Variants in BSN observed in about 807,000 individuals in gnomAD.
BSN encodes the protein protein bassoon.
A neutral mutation model predicts 264.8 loss-of-function variants in BSN; 57 were observed. That is an observed-to-expected ratio of 0.22 (90% CI 0.17 to 0.27). BSN has a LOEUF of 0.27. BSN is among the 10% of genes least tolerant of loss of function. The pLI is 1.00. For synonymous variants in BSN, 2,059 were observed against 2,137.3 expected, an observed-to-expected ratio of 0.96 and a Z score of 1.01; for missense variants, 4,615 against 5,232.5, an observed-to-expected ratio of 0.88 and a Z score of 3.64.
chr3:49,664,888 G>A, intron 10 of BSN, 35 bp downstream of exon 10: 1 of 1,528,690 alleles, frequency 6.5e-7, no homozygotes, highest in Non-Finnish European at 9.0e-7. Context: ...GCCTCTTCTG[G>A]GAAAGGCCCG....
rs2052479442 is a variant in BSN at position 49,643,149 on chromosome 3, G to A, written c.1515G>A (p.Val505=). 1 of 1,606,606 alleles carries A rather than the reference G, an allele frequency of 6.2e-7. No homozygotes were observed. The highest frequency in any genetic ancestry group is 8.5e-7 in the Non-Finnish European group (1 of 1,175,072). ...LCGFNPTPHL[V]EKTEWLCLNC... is the part of the protein sequence containing the mutation. ...GCTTCAACCCAACACCCCACCTGGTGGAGGTAAGAGCTGGACCAAGCATGC... is the reference window on the plus strand; with the variant it reads ...GCTTCAACCCAACACCCCACCTGGTAGAGGTAAGAGCTGGACCAAGCATGC... The change falls in exon 3 of 12, where the codon GTG becomes GTA. Residue 505 remains valine, a synonymous_variant. Coordinates refer to ENST00000296452, the MANE Select transcript of BSN (RefSeq NM_003458.4).
At chr3:49,610,572 G>A (rs2052198239) in intron 1 of BSN, among the ~76,000 whole-genome samples, 1 of 57,034 alleles carries the variant, frequency 1.8e-5, no homozygotes, top group African/African-American at 7.0e-5. Context: ...CAACAAGAGC[G>A]AAATTTCATC....
chr3:49,642,625 G>T lies in BSN; in HGVS notation c.991G>T (p.Ala331Ser), dbSNP rs137948444. 13 of 1,602,336 alleles carry T rather than the reference G, an allele frequency of 8.1e-6. No individual in the cohort carries two copies. Among genetic ancestry groups the T allele is most frequent in the Non-Finnish European group, 1.1e-5 (13 of 1,173,350 alleles). Residue 331 changes from alanine to serine, a missense_variant, in exon 3 of 12, where the codon GCA becomes TCA. By Grantham distance (99) the Ala-to-Ser change is moderately conservative (BLOSUM62 1). Around this residue, in one of 3 missense-constraint regions of BSN, gnomAD observed 1,197 missense variants for 1,348.0 expected, o/e 0.89. Coordinates refer to ENST00000296452, the MANE Select transcript of BSN (RefSeq NM_003458.4). The surrounding 1 kb of genome is among the most constrained non-coding windows in gnomAD (Gnocchi z 7.0). ...AGAGGCCCCGGCCAAAAGTGCCACC[G>T]CAGTGCCCGCTGGGCTTGGTGCCAC... The part of the protein sequence containing the change: ...AGEAPAKSAT[A>S]VPAGLGATEQ...
At chr3:49,581,559 C>T (rs1484873691) in intron 1 of BSN, among the ~76,000 whole-genome samples, 1 of 152,190 alleles carries the variant, frequency 6.6e-6, no homozygotes, top group Non-Finnish European at 1.5e-5. Flanking sequence ...GGCATGGTGG[C>T]TTACGCCTGT....
chr3:49,578,652 C>T (rs1229850894), intron 1 of BSN, among the ~76,000 whole-genome samples: 2 of 152,028 alleles, frequency 1.3e-5, no homozygotes, highest in South Asian at 2.1e-4. Flanking sequence ...GTGATCCACC[C>T]GTGTCGGCCT....
At chr3:49,586,296 C>T (rs1306013174) in intron 1 of BSN, among the ~76,000 whole-genome samples, 1 of 152,010 alleles carries the variant, frequency 6.6e-6, no homozygotes, top group African/African-American at 2.4e-5. Context: ...TAGTTTCATT[C>T]TTCAGCATAT....
Position 49,605,656 on chromosome 3 carries a change from TATATA to T in BSN, c.225-19313_225-19309del, listed in dbSNP as rs1424452034. Among the ~76,000 whole-genome samples, 18 of 42,134 alleles carry T rather than the reference TATATA, an allele frequency of 4.3e-4. 1 individual carries two copies. Among genetic ancestry groups the T allele is most frequent in the Non-Finnish European group, 5.9e-4 (15 of 25,418 alleles). 27.6% of individuals were successfully genotyped at this position (42,134 alleles called of 152,430 possible). On this transcript the variant is annotated intron_variant, in intron 1 of 11. Transcript: ENST00000296452. Reference sequence around the variant, plus strand: ...TATTACATATATGTAATATATATTATATATAATATATATTACATATATGTAATATA... The same window carrying T: ...TATTACATATATGTAATATATATTATATATATATTACATATATGTAATATA...
At chr3:49,576,196 C>A (rs2051844727) in intron 1 of BSN, among the ~76,000 whole-genome samples, 1 of 151,994 alleles carries the variant, frequency 6.6e-6, no homozygotes. Flanking sequence ...TAGCTGGATT[C>A]CTACTTGCTC....
chr3:49,557,307 C>T (rs72936009), intron 1 of BSN, among the ~76,000 whole-genome samples: 4,073 of 152,232 alleles, frequency 0.027, 171 homozygotes, highest in African/African-American at 0.092. Context: ...AAGCTGTGTG[C>T]CCTGGTGTAG....
chr3:49,582,376 C>T (rs1336995236), intron 1 of BSN, among the ~76,000 whole-genome samples: 2 of 152,136 alleles, frequency 1.3e-5, no homozygotes, highest in East Asian at 3.8e-4. Context: ...CATTTGCAGT[C>T]ATAACACACT....
intron 3 of BSN, among the ~76,000 whole-genome samples, chr3:49,646,620 GAC>G (rs1351776694): frequency 6.6e-6 from 1 of 152,224 alleles, no homozygotes; most frequent in Non-Finnish European, 1.5e-5. Context: ...TGCAAGGCCT[GAC>G]ACAGTCAGCC....
intron 1 of BSN, among the ~76,000 whole-genome samples, chr3:49,617,155 G>A (rs2108050939): frequency 6.6e-6 from 1 of 151,958 alleles, no homozygotes; most frequent in East Asian, 1.9e-4. Flanking sequence ...ATGCATGTGG[G>A]GCTTAAAACC....
intron 1 of BSN, among the ~76,000 whole-genome samples, chr3:49,579,974 T>G (rs2051882548): frequency 6.6e-6 from 1 of 152,218 alleles, no homozygotes; most frequent in Non-Finnish European, 1.5e-5. Context: ...TTAAATCCTT[T>G]CTATATGTCA....
chr3:49,652,632 C>T lies in BSN; in HGVS notation c.3076C>T (p.Arg1026Trp), dbSNP rs772486017. 7.4e-6 allele frequency: 12 copies of T among 1,611,116 alleles called. No homozygotes were observed. Among genetic ancestry groups the T allele is most frequent in the Admixed American group, 1.7e-5 (1 of 59,674 alleles). ...LEEAKQQRKA[R>W]HRSHGPLLPT... is the part of the protein sequence containing the mutation. ...AGAAGCAAAGCAGCAGCGCAAGGCCCGGCACCGCTCCCACGGGCCCCTGCT... is the reference window on the plus strand; with the variant it reads ...AGAAGCAAAGCAGCAGCGCAAGGCCTGGCACCGCTCCCACGGGCCCCTGCT... The change falls in exon 5 of 12, where the codon CGG (arginine) becomes TGG (tryptophan). Residue 1026 changes from arginine to tryptophan, a missense_variant. This residue lies in a region of BSN where 1,197 missense variants were observed against 1,348.0 expected (regional missense o/e 0.89). Coordinates refer to ENST00000296452, the MANE Select transcript of BSN (RefSeq NM_003458.4).
intron 1 of BSN, among the ~76,000 whole-genome samples, chr3:49,587,764 C>T (rs1179123767): frequency 6.6e-6 from 1 of 152,074 alleles, no homozygotes. Context: ...TACAAAGTTA[C>T]ACCCTATGCA....
intron 1 of BSN, among the ~76,000 whole-genome samples, chr3:49,605,880 A>G (rs2052131371): frequency 1.2e-5 from 1 of 83,630 alleles, no homozygotes; most frequent in Non-Finnish European, 2.0e-5. Flanking sequence ...ATTTATATAT[A>G]GATATAAATA....
chr3:49,594,196 C>G (rs1386817923), intron 1 of BSN, among the ~76,000 whole-genome samples: 1 of 152,124 alleles, frequency 6.6e-6, no homozygotes, highest in African/African-American at 2.4e-5. Flanking sequence ...CAAAGCAAAA[C>G]CTTTTAAATT....
At position 49,670,828 on chromosome 3, in the gene BSN, A is replaced by C. The variant is rs2052749253; in HGVS notation, c.*3343A>C. On this transcript the variant is annotated 3_prime_UTR_variant, in exon 12 of 12. Transcript: ENST00000296452. The stretch of plus-strand genomic sequence containing the variant: ...GTCTGAGGGCCCACAGTGAAAGAAC[A>C]GCAGTGGTGGCAACTATGCCTTGCC... 6.6e-6 allele frequency: 1 copy of C among 152,266 alleles called. No homozygotes were observed. Among genetic ancestry groups the C allele is most frequent in the Non-Finnish European group, 1.5e-5 (1 of 68,052 alleles). The allele number at this position is 152,266 out of a possible 1,614,324, so 9.4% of individuals were successfully genotyped here.
At chr3:49,593,726 AT>A (rs549453331) in intron 1 of BSN, among the ~76,000 whole-genome samples, 1 of 140,872 alleles carries the variant, frequency 7.1e-6, no homozygotes, top group Non-Finnish European at 1.6e-5. Context: ...TGTTTTCTAA[AT>A]TTTTTTCTTC....
Sources: gnomAD v4.1 joint callset for allele counts (sites outside exome capture counted in the v4.1 genomes callset) on GRCh38, gnomAD v4.1.1 for gene constraint, gnomAD v4.1.1 regional missense constraint, Gnocchi (gnomAD v3.1) non-coding constraint, MANE v1.5 for transcripts, NCBI Gene and HGNC (gene_info 2026-07-23, HGNC 2026-07-21) for gene names.